Variants in CAP2 observed in about 807,000 individuals in gnomAD.
The protein encoded by CAP2 is cyclase associated actin cytoskeleton regulatory protein 2.
CAP2 carries 24 observed loss-of-function variants against 57.7 expected under a neutral mutation model. The ratio of observed to expected loss-of-function variants is 0.42; its 90% CI spans 0.30 to 0.58. The LOEUF (loss-of-function observed/expected upper bound fraction) is 0.58. Among genes scored for constraint, CAP2 ranks in the 20% least tolerant of loss-of-function variants. The pLI is 0.22. For synonymous variants in CAP2, 194 were observed against 207.2 expected (o/e 0.94, Z 0.55); for missense variants, 501 against 590.3 (o/e 0.85, Z 1.57).
chr6:17,531,151 T>G, intron 7 of CAP2: 1 of 764,336 alleles, frequency 1.3e-6, no homozygotes, highest in Non-Finnish European at 2.4e-6. Context: ...ATTCGCTTCT[T>G]ACTGATTTTG....
intron 4 of CAP2, among the ~76,000 whole-genome samples, chr6:17,495,350 C>G (rs1287249255): frequency 6.6e-6 from 1 of 152,200 alleles, no homozygotes; most frequent in Non-Finnish European, 1.5e-5. Context: ...AAATAACTCT[C>G]TTTACCGATA....
chr6:17,479,526 G>C (rs9465041), intron 4 of CAP2, among the ~76,000 whole-genome samples: 8,922 of 151,164 alleles, frequency 0.059, 871 homozygotes, highest in African/African-American at 0.2. Flanking sequence ...AAGGAAAAGA[G>C]GCAAGGAGGA....
At chr6:17,434,662 T>C (rs894052494) in intron 3 of CAP2, among the ~76,000 whole-genome samples, 1 of 152,258 alleles carries the variant, frequency 6.6e-6, no homozygotes, top group Non-Finnish European at 1.5e-5. Flanking sequence ...CTGAAGGTGA[T>C]GACTTTTTAA....
At position 17,424,587 on chromosome 6, in the gene CAP2, C is replaced by T. The variant is rs75426507; in HGVS notation, c.122-2003C>T. On this transcript the variant is annotated intron_variant, in intron 2 of 12. Transcript: ENST00000229922. ...GAAGTATTTTTGCGTTTTTATAATG[C>T]GACAAACACTGTGCTAGGTGCAAGA... Among the ~76,000 whole-genome samples, 577 of 152,144 alleles carry T rather than the reference C, an allele frequency of 3.8e-3. 5 individuals carry two copies. The highest frequency in any genetic ancestry group is 0.036 in the East Asian group (186 of 5,172).
intron 7 of CAP2, among the ~76,000 whole-genome samples, chr6:17,515,564 A>G (rs757428410): frequency 6.6e-6 from 1 of 152,140 alleles, no homozygotes; most frequent in Non-Finnish European, 1.5e-5. Flanking sequence ...AGCATCATAC[A>G]ATATACCCAC....
chr6:17,531,710 A>G (rs78076039), intron 7 of CAP2: 10,440 of 642,924 alleles, frequency 0.016, 409 homozygotes, highest in East Asian at 0.12. Flanking sequence ...TCTGACCTGT[A>G]CTTAAAGTTG....
chr6:17,434,157 A>T (rs1041594943), intron 3 of CAP2, among the ~76,000 whole-genome samples: 2 of 152,094 alleles, frequency 1.3e-5, no homozygotes, highest in African/African-American at 4.8e-5. Flanking sequence ...GCTTTCTGCC[A>T]AACTCTTGCT....
intron 1 of CAP2, among the ~76,000 whole-genome samples, chr6:17,402,751 T>C (rs747022327): frequency 6.6e-6 from 1 of 152,228 alleles, no homozygotes; most frequent in South Asian, 2.1e-4. Context: ...TATTTGCATG[T>C]CTGTATGACT....
rs578069298 is a variant in CAP2, at chr6:17,443,759, G to A, written c.222+17069G>A. On this transcript the variant is annotated intron_variant, in intron 3 of 12. Coordinates refer to ENST00000229922, the MANE Select transcript of CAP2 (RefSeq NM_006366.3). ...GATTTATTATATTACTATGCATAAA[G>A]CAAGTACAAAATATGTTTTCCAACC... Among the ~76,000 whole-genome samples the A allele has an allele frequency of 6.6e-5, 10 of 152,250 alleles. No homozygotes were observed. The South Asian group carries it at 1.0e-3, about 16-fold the overall frequency.
chr6:17,420,239 G>A (rs1253402217), intron 1 of CAP2, among the ~76,000 whole-genome samples: 2 of 152,162 alleles, frequency 1.3e-5, no homozygotes, highest in Non-Finnish European at 2.9e-5. Flanking sequence ...CAAGAGTACT[G>A]GGTAACTGAA....
At chr6:17,526,825 C>T (rs539184417) in intron 7 of CAP2, among the ~76,000 whole-genome samples, 170 of 151,774 alleles carry the variant, frequency 1.1e-3, no homozygotes, top group African/African-American at 3.8e-3. Context: ...GGCATGGTGG[C>T]GCATGCCTAT....
At chr6:17,412,324 C>A (rs1347205441) in intron 1 of CAP2, among the ~76,000 whole-genome samples, 2 of 152,160 alleles carry the variant, frequency 1.3e-5, no homozygotes, top group East Asian at 3.9e-4. Context: ...AAGCCAGTAC[C>A]GAATGTAGCT....
chr6:17,439,155 G>C (rs950053910), intron 3 of CAP2, among the ~76,000 whole-genome samples: 1 of 151,104 alleles, frequency 6.6e-6, no homozygotes, highest in Non-Finnish European at 1.5e-5. Flanking sequence ...GAAAAAAAAG[G>C]CTTTTTCTTC....
rs370495440 is a variant in CAP2 at position 17,438,247 on chromosome 6, TC to T, written c.222+11560del. 2.1e-4 allele frequency among the ~76,000 whole-genome samples: 31 copies of T among 150,576 alleles called. 2 individuals are homozygous for T. Among genetic ancestry groups the T allele is most frequent in the African/African-American group, 7.4e-4 (30 of 40,460 alleles). Reference sequence around the variant, plus strand: ...TGGGCGTGGAGGTGGGTGCCTGTAATCCCAGCTACTCGGGAGGCTGAGGCAG... The same window carrying T: ...TGGGCGTGGAGGTGGGTGCCTGTAATCCAGCTACTCGGGAGGCTGAGGCAG... On this transcript the variant is annotated intron_variant, in intron 3 of 12. Coordinates refer to ENST00000229922, the MANE Select transcript of CAP2 (RefSeq NM_006366.3).
chr6:17,432,630 C>G (rs1759765953), intron 3 of CAP2, among the ~76,000 whole-genome samples: 1 of 152,176 alleles, frequency 6.6e-6, no homozygotes, highest in Non-Finnish European at 1.5e-5. Context: ...CATCTTCTTT[C>G]TTACTGGCTT....
intron 7 of CAP2, among the ~76,000 whole-genome samples, chr6:17,520,601 T>A (rs1311349587): frequency 1.3e-5 from 2 of 152,156 alleles, no homozygotes; most frequent in Non-Finnish European, 2.9e-5. Flanking sequence ...CAGGTAGATA[T>A]TTCTTTTCTT....
At chr6:17,495,448 C>T (rs971440306) in intron 4 of CAP2, among the ~76,000 whole-genome samples, 1 of 152,192 alleles carries the variant, frequency 6.6e-6, no homozygotes, top group Non-Finnish European at 1.5e-5. Flanking sequence ...AAAGAATGGT[C>T]CTTCCAGCAC....
intron 4 of CAP2, among the ~76,000 whole-genome samples, chr6:17,489,438 C>T (rs998972893): frequency 1.3e-5 from 2 of 152,072 alleles, no homozygotes. Flanking sequence ...TCTCAGAAAA[C>T]AAACAAAACA....
At chr6:17,514,198 A>C (rs1473530537) in intron 7 of CAP2, among the ~76,000 whole-genome samples, 1 of 151,812 alleles carries the variant, frequency 6.6e-6, no homozygotes, top group Non-Finnish European at 1.5e-5. Flanking sequence ...CACTGTCTCT[A>C]CTAAAAATAT....
Sources: allele counts gnomAD v4.1 joint callset (sites outside exome capture counted in the v4.1 genomes callset), GRCh38; gene constraint gnomAD v4.1.1; transcripts MANE v1.5; gene names NCBI Gene and HGNC (gene_info 2026-07-23, HGNC 2026-07-21).